Variants in CHN2 observed in about 807,000 individuals in gnomAD.
CHN2 encodes chimerin 2.
A neutral mutation model predicts 56.3 loss-of-function variants in CHN2; 35 were observed. The ratio of observed to expected loss-of-function variants is 0.62; its 90% CI spans 0.47 to 0.82. CHN2 has a LOEUF of 0.82. CHN2 is among the 40% of genes least tolerant of loss of function. CHN2 has a pLI of 0.00. For missense variants in CHN2, 491 were observed against 580.5 expected, an observed-to-expected ratio of 0.85 and a Z score of 1.58; for synonymous variants, 210 against 212.8, an observed-to-expected ratio of 0.99 and a Z score of 0.12.
chr7:29,159,917 T>C (rs949495791), intron 2 of CHN2, among the ~76,000 whole-genome samples: 2 of 152,238 alleles, frequency 1.3e-5, no homozygotes, highest in African/African-American at 4.8e-5. Context: ...TGGAAGGACG[T>C]AATTAATTGT....
chr7:29,398,861 C>T (rs950920033), intron 5 of CHN2, among the ~76,000 whole-genome samples: 5 of 151,626 alleles, frequency 3.3e-5, no homozygotes, highest in African/African-American at 1.2e-4. Flanking sequence ...CTCAGCCTCC[C>T]AAAGTTCTGG....
At chr7:29,365,559 G>T (rs938190035) in intron 2 of CHN2, among the ~76,000 whole-genome samples, 1 of 152,202 alleles carries the variant, frequency 6.6e-6, no homozygotes, top group Non-Finnish European at 1.5e-5. Context: ...CTAAGGACAT[G>T]ATGATAAGGG....
At chr7:29,299,894 A>G (rs1241619752) in intron 1 of CHN2, among the ~76,000 whole-genome samples, 3 of 152,184 alleles carry the variant, frequency 2.0e-5, no homozygotes, top group African/African-American at 7.2e-5. Context: ...GAAGACCTGG[A>G]GGATGAAGCA....
At chr7:29,378,644 C>G (rs1412891909) in intron 3 of CHN2, among the ~76,000 whole-genome samples, 1 of 152,150 alleles carries the variant, frequency 6.6e-6, no homozygotes, top group African/African-American at 2.4e-5. Flanking sequence ...GTTTGCCGAC[C>G]CCTGGTCTTA....
At chr7:29,288,719 A>G (rs1016097816) in intron 1 of CHN2, among the ~76,000 whole-genome samples, 5 of 151,576 alleles carry the variant, frequency 3.3e-5, no homozygotes, top group Admixed American at 6.6e-5. Context: ...GACAATGGAG[A>G]CAAAGAAATG....
intron 1 of CHN2, among the ~76,000 whole-genome samples, chr7:29,348,401 A>G (rs1797627385): frequency 6.6e-6 from 1 of 151,958 alleles, no homozygotes; most frequent in African/African-American, 2.4e-5. Context: ...TTTTCTTAAC[A>G]TGTTCAGATT....
intron 5 of CHN2, among the ~76,000 whole-genome samples, chr7:29,398,946 T>G (rs1672559109): frequency 6.6e-6 from 1 of 152,064 alleles, no homozygotes; most frequent in Non-Finnish European, 1.5e-5. Flanking sequence ...TTAAGTACAT[T>G]ATTAATGTTG....
intron 1 of CHN2, among the ~76,000 whole-genome samples, chr7:29,225,724 C>A (rs1786137668): frequency 1.3e-5 from 2 of 152,274 alleles, no homozygotes; most frequent in South Asian, 2.1e-4. Flanking sequence ...GAGCTAATCA[C>A]CTGCTGTGAG....
chr7:29,511,709 T>TTTAATTATATTTTCCTAAACACATTTTAA (rs1260586537), intron 12 of CHN2, among the ~76,000 whole-genome samples: 1 of 87,082 alleles, frequency 1.1e-5, no homozygotes, highest in African/African-American at 3.6e-5. Context: ...CTAAACACAT[T>TTTAATTATATTTTCCTAAACACATTTTAA]TTAATTATAT....
At chr7:29,263,042 C>G (rs1789698086) in intron 1 of CHN2, among the ~76,000 whole-genome samples, 1 of 152,178 alleles carries the variant, frequency 6.6e-6, no homozygotes, top group African/African-American at 2.4e-5. Context: ...TTGCACGGTC[C>G]TCGTCTCCCC....
At chr7:29,172,493 C>G (rs780552242) in intron 2 of CHN2, among the ~76,000 whole-genome samples, 37 of 152,154 alleles carry the variant, frequency 2.4e-4, no homozygotes, top group Non-Finnish European at 5.3e-4. Context: ...AATAACCAAG[C>G]CTTCAGATTC....
At chr7:29,241,728 A>G (rs1214325568) in intron 1 of CHN2, among the ~76,000 whole-genome samples, 1 of 152,068 alleles carries the variant, frequency 6.6e-6, no homozygotes, top group Non-Finnish European at 1.5e-5. Context: ...GTAGGTCCTG[A>G]AGGAACTTGT....
chr7:29,403,190 A>C (rs1802359529), intron 6 of CHN2, among the ~76,000 whole-genome samples: 1 of 152,020 alleles, frequency 6.6e-6, no homozygotes, highest in South Asian at 2.1e-4. Context: ...CTATATTGAC[A>C]AGTGGAATTA....
At chr7:29,230,849 AATTCTTTATTTACTCAGGTCTACAC>A (rs1256607522) in intron 1 of CHN2, among the ~76,000 whole-genome samples, 2 of 151,938 alleles carry the variant, frequency 1.3e-5, no homozygotes, top group Non-Finnish European at 2.9e-5. Flanking sequence ...CTGTAGTGAC[AATTCTTTATTTACTCAGGTCTACAC>A]ATTGTACTCT....
At position 29,244,816 on chromosome 7, in the gene CHN2, G is replaced by A. The variant is rs370747114; in HGVS notation, c.49+49826G>A. 7.9e-4 allele frequency among the ~76,000 whole-genome samples: 121 copies of A among 152,244 alleles called. 1 individual carries two copies. Among genetic ancestry groups the A allele is most frequent in the Admixed American group, 2.4e-3 (36 of 15,292 alleles). On this transcript the variant is annotated intron_variant, in intron 1 of 12. Transcript: ENST00000222792. ...TGGTTTCCTGGTCTTTTAAGGAGGC[G>A]TGAACTCTCCCTCTATATAAACCTT...
chr7:29,167,161 A>G (rs1276750006), intron 2 of CHN2, among the ~76,000 whole-genome samples: 1 of 152,174 alleles, frequency 6.6e-6, no homozygotes, highest in Non-Finnish European at 1.5e-5. Flanking sequence ...AAGGTACAAT[A>G]TCTTGAATTT....
intron 1 of CHN2, among the ~76,000 whole-genome samples, chr7:29,285,362 C>A (rs771436438): frequency 6.6e-6 from 1 of 152,226 alleles, no homozygotes; most frequent in Non-Finnish European, 1.5e-5. Flanking sequence ...ATTTTCCAGA[C>A]AAAACATCTC....
At chr7:29,320,286 C>T (rs538749420) in intron 1 of CHN2, among the ~76,000 whole-genome samples, 208 of 152,228 alleles carry the variant, frequency 1.4e-3, no homozygotes, top group South Asian at 2.9e-3. Context: ...CCAGAGCCAC[C>T]AAACTGTGGC....
Position 29,504,832 on chromosome 7 carries a change from A to ACTTT in CHN2, c.991+15_991+18dup, listed in dbSNP as rs770840057. 1.9e-6 allele frequency: 3 copies of ACTTT among 1,598,132 alleles called. No homozygotes were observed. The South Asian group carries it at 3.3e-5, about 18-fold the overall frequency. On this transcript the variant is annotated intron_variant, in intron 10 of 12. Transcript: ENST00000222792. Reference sequence around the variant, plus strand: ...TGGCATTTGACAGAGGTAAGCTTGTACTTTCTTGAATGCCATCTGACATCC... The same window carrying ACTTT: ...TGGCATTTGACAGAGGTAAGCTTGTACTTTCTTTCTTGAATGCCATCTGACATCC...
Sources: gnomAD v4.1 joint callset for allele counts (sites outside exome capture counted in the v4.1 genomes callset) on GRCh38, gnomAD v4.1.1 for gene constraint, MANE v1.5 for transcripts, NCBI Gene and HGNC (gene_info 2026-07-23, HGNC 2026-07-21) for gene names.